Variants in SIRT2 observed in about 807,000 individuals in gnomAD.
SIRT2 encodes sirtuin 2, also known as NAD-dependent protein deacetylase sirtuin-2.
SIRT2 carries 40 observed loss-of-function variants against 57.4 expected under a neutral mutation model. That is an observed-to-expected ratio of 0.70 (90% CI 0.54 to 0.91). The LOEUF (loss-of-function observed/expected upper bound fraction) is 0.91, where lower values mean the gene tolerates loss of function less well. SIRT2 is among the 40% of genes least tolerant of loss of function. SIRT2 has a pLI of 0.00. For synonymous variants in SIRT2, 161 were observed against 195.7 expected (o/e 0.82, Z 1.48); for missense variants, 439 against 510.4 (o/e 0.86, Z 1.35).
chr19:38,898,038 A>AT, intron 2 of SIRT2, among the ~76,000 whole-genome samples: 1 of 152,216 alleles, frequency 6.6e-6, no homozygotes, highest in African/African-American at 2.4e-5. Context: ...CTGTGAGATC[A>AT]TTTTTTCCCA....
rs200814071 is a variant in SIRT2, at chr19:38,889,959, C to G, written c.271G>C (p.Ala91Pro). The G allele has an allele frequency of 2.5e-6, 4 of 1,613,858 alleles. No individual in the cohort carries two copies. The African/African-American group carries it at 4.0e-5, about 16-fold the overall frequency. Reference protein sequence around the residue: ...CLVGAGISTSAGIPDFRSPST... With the variant: ...CLVGAGISTSPGIPDFRSPST... ...GGAGAGCGAAAGTCGGGGATGCCTG[C>G]GGCTAGGAAAGGGGGGTCAGGGAGC... The change falls in exon 6 of 16, where the codon GCA (alanine) becomes CCA (proline). Residue 91 changes from alanine (A) to proline (P), a missense_variant and splice_region_variant. By Grantham distance (27) the Ala-to-Pro change is conservative. Transcript: ENST00000249396.
In SIRT2 at chr19:38,881,172, T is replaced by G. The variant is rs773385660; in HGVS notation, c.692-17A>C. 6.2e-7 allele frequency: 1 copy of G among 1,610,820 alleles called. No individual in the cohort carries two copies. The highest frequency in any genetic ancestry group is 2.2e-5 in the East Asian group (1 of 44,824). On this transcript the variant is annotated splice_polypyrimidine_tract_variant and intron_variant, in intron 10 of 15. Coordinates refer to ENST00000249396, the MANE Select transcript of SIRT2 (RefSeq NM_012237.4). The stretch of plus-strand genomic sequence containing the variant: ...AGACGATATCTGAGGTGGAGACAGA[T>G]GGACGGACAGAGACAGTGACATGGG...
intron 7 of SIRT2, 186 bp from the exon 8 acceptor site, chr19:38,889,341 G>A: frequency 1.4e-6 from 1 of 723,726 alleles, no homozygotes. Flanking sequence ...ACAGGGAAGG[G>A]GATTGTGTTG....
chr19:38,895,616 G>A (rs552156762), intron 2 of SIRT2, among the ~76,000 whole-genome samples: 47 of 152,256 alleles, frequency 3.1e-4, no homozygotes, highest in Admixed American at 9.2e-4. Flanking sequence ...CCGAACATAC[G>A]ACAATTTAAA....
intron 4 of SIRT2, chr19:38,891,867 GCC>G (rs1268652377): frequency 2.0e-4 from 95 of 468,996 alleles, no homozygotes. Context: ...TTTGGGGCCT[GCC>G]CAGGCTAAAA....
Position 38,879,677 on chromosome 19 carries a change from A to G in SIRT2, c.902T>C (p.Met301Thr). The change falls in exon 14 of 16, where the codon ATG (methionine) becomes ACG (threonine). Residue 301 changes from methionine to threonine, a missense_variant. Met to Thr is a moderately conservative substitution (Grantham distance 81). Transcript: ENST00000249396. ...GQSDPFLGMI[M>T]GLGGGMDFDS... is the part of the protein sequence containing the mutation. ...AAAGTCCATGCCTCCTCCGAGGCCC[A>G]TAATCATCCCCAGGAAAGGGTCCGA... 1 of 1,573,536 alleles carries G rather than the reference A, an allele frequency of 6.4e-7. No individual in the cohort carries two copies. Among genetic ancestry groups the G allele is most frequent in the Non-Finnish European group, 8.6e-7 (1 of 1,159,078 alleles).
intron 4 of SIRT2, chr19:38,891,836 G>A: frequency 2.1e-6 from 1 of 468,374 alleles, no homozygotes; most frequent in Admixed American, 2.4e-5. Context: ...CAAATGCTTT[G>A]TAGCCACTGC....
At chr19:38,882,978 G>A (rs1389274272) in intron 9 of SIRT2, among the ~76,000 whole-genome samples, 2 of 151,810 alleles carry the variant, frequency 1.3e-5, no homozygotes, top group East Asian at 1.9e-4. Context: ...TGCAAATGCT[G>A]CAGCTGTCCT....
chr19:38,889,028 A>G, intron 8 of SIRT2, 59 bp downstream of exon 8: 3 of 1,508,050 alleles, frequency 2.0e-6, no homozygotes, highest in Non-Finnish European at 2.7e-6. Flanking sequence ...TCCTCTGCTG[A>G]GGACACCATG....
Position 38,893,515 on chromosome 19 carries a change from C to T in SIRT2, c.125G>A (p.Arg42Gln), listed in dbSNP as rs200012062. Residue 42 changes from arginine (R) to glutamine (Q), a missense_variant, in exon 4 of 16, where the codon CGG (arginine) becomes CAG (glutamine). Transcript: ENST00000249396. ...AGGEADMDFL[R>Q]NLFSQTLSLG... ...GCTGAGCGTCTGGGAGAATAAGTTCCGCAGGAAGTCCACTGACCGGAAAGA... is the reference window on the plus strand; with the variant it reads ...GCTGAGCGTCTGGGAGAATAAGTTCTGCAGGAAGTCCACTGACCGGAAAGA... 22 of 1,611,756 alleles carry T rather than the reference C, an allele frequency of 1.4e-5. No homozygotes were observed. Among genetic ancestry groups the T allele is most frequent in the Admixed American group, 1.0e-4 (6 of 59,966 alleles).
intron 7 of SIRT2, 168 bp downstream of exon 7, chr19:38,889,521 C>G (rs1274002934): frequency 1.4e-6 from 1 of 735,952 alleles, no homozygotes; most frequent in South Asian, 1.7e-5. Context: ...GGCTCAAGGT[C>G]GTAAGATGAA....
At chr19:38,883,809 G>A in intron 8 of SIRT2, 53 bp from the exon 9 acceptor site, 2 of 1,599,604 alleles carry the variant, frequency 1.3e-6, no homozygotes, top group Non-Finnish European at 1.7e-6. Context: ...CCCCTTGTAG[G>A]CCAGAAGGCA....
Position 38,899,527 on chromosome 19 carries a change from C to G in SIRT2, c.-6G>C. 6.2e-7 allele frequency: 1 copy of G among 1,613,802 alleles called. No individual in the cohort carries two copies. Among genetic ancestry groups the G allele is most frequent in the South Asian group, 1.1e-5 (1 of 91,082 alleles). ...TCACGGTCTGGCTCTGCCATGGGCG[C>G]GGTGCTGAAGCCCTTGAGGCTGTCA... On this transcript the variant is annotated 5_prime_UTR_variant, in exon 1 of 16. Transcript: ENST00000249396.
chr19:38,899,301 T>C (rs1973847598), intron 1 of SIRT2, among the ~76,000 whole-genome samples: 1 of 152,122 alleles, frequency 6.6e-6, no homozygotes, highest in Non-Finnish European at 1.5e-5. Context: ...GGCAAGTGGA[T>C]GTGGTAAACG....
In SIRT2 at chr19:38,880,909, G is replaced by A; in HGVS notation, c.748-12C>T. 1 of 1,612,734 alleles carries A rather than the reference G, an allele frequency of 6.2e-7. No individual in the cohort carries two copies. Among genetic ancestry groups the A allele is most frequent in the Non-Finnish European group, 8.5e-7 (1 of 1,179,356 alleles). On this transcript the variant is annotated splice_polypyrimidine_tract_variant and intron_variant, in intron 11 of 15. Coordinates refer to ENST00000249396, the MANE Select transcript of SIRT2 (RefSeq NM_012237.4). This position sits in a 1 kb window ranked among gnomAD's most constrained non-coding sequence, Gnocchi z 4.1. ...ACCTTCAGGAAGTCCTGCGGGGAGG[G>A]GCGTGAGCTTGGGAGCCTCCGCCCA...
At chr19:38,887,467 A>G (rs550458437) in intron 8 of SIRT2, among the ~76,000 whole-genome samples, 2 of 152,200 alleles carry the variant, frequency 1.3e-5, no homozygotes, top group Admixed American at 6.5e-5. Flanking sequence ...GAGTCTCCCT[A>G]TGTTGCCCAG....
In SIRT2 at chr19:38,879,625, G is replaced by T. The variant is rs1433744782; in HGVS notation, c.947+7C>A. 3 of 1,567,354 alleles carry T rather than the reference G, an allele frequency of 1.9e-6. No individual in the cohort carries two copies. In the African/African-American group the frequency reaches 4.1e-5, roughly 21 times the overall value. On this transcript the variant is annotated splice_region_variant and intron_variant, in intron 14 of 15. Coordinates refer to ENST00000249396, the MANE Select transcript of SIRT2 (RefSeq NM_012237.4). ...CCAGGCTGCCCCAACCCCCGGCGGG[G>T]CCTCACCTGTAGGCCTTCTTGGAGT...
Position 38,879,265 on chromosome 19 carries a change from C to CATCT in SIRT2, c.1056_1059dup (p.Ala354ArgfsTer54). 1 of 1,606,598 alleles carries CATCT rather than the reference C, an allele frequency of 6.2e-7. No homozygotes were observed. On this transcript the variant is annotated frameshift_variant, in exon 16 of 16. Transcript: ENST00000249396. LOFTEE classifies it low-confidence loss of function (END_TRUNC). ...TTGGGGACCCCCGCCCCCGACTGGG[C>CATCT]ATCTATGCTGGCGTGCTCCCTCCGG...
chr19:38,886,406 A>G (rs1274266942), intron 8 of SIRT2, among the ~76,000 whole-genome samples: 1 of 152,082 alleles, frequency 6.6e-6, no homozygotes, highest in Non-Finnish European at 1.5e-5. Flanking sequence ...AGCGTGGAAA[A>G]GAACCACCGA....
Sources: allele counts gnomAD v4.1 joint callset (sites outside exome capture counted in the v4.1 genomes callset), GRCh38; gene constraint gnomAD v4.1.1; non-coding constraint Gnocchi (gnomAD v3.1); transcripts MANE v1.5; gene names NCBI Gene and HGNC (gene_info 2026-07-23, HGNC 2026-07-21).